TMC1: variants seen among roughly 807,000 people sequenced by gnomAD.
TMC1 encodes the protein transmembrane channel-like protein 1.
A neutral mutation model predicts 105.8 loss-of-function variants in TMC1; 84 were observed. The ratio of observed to expected loss-of-function variants is 0.79; its 90% CI spans 0.67 to 0.95. The LOEUF is 0.95. Among genes scored for constraint, TMC1 ranks in the 40% least tolerant of loss-of-function variants. The pLI, the probability that TMC1 is intolerant of heterozygous loss-of-function variation, is 0.00. For missense variants in TMC1, 817 were observed against 914.1 expected, an observed-to-expected ratio of 0.89 and a Z score of 1.37; for synonymous variants, 315 against 311.5, an observed-to-expected ratio of 1.01 and a Z score of -0.12.
chr9:72,627,484 T>C, intron 3 of TMC1, among the ~76,000 whole-genome samples: 1 of 152,210 alleles, frequency 6.6e-6, no homozygotes, highest in East Asian at 1.9e-4. Flanking sequence ...TAATCCTCTC[T>C]TTCCCACCTT....
chr9:72,759,746 T>G (rs914883146), intron 12 of TMC1, among the ~76,000 whole-genome samples: 2 of 152,220 alleles, frequency 1.3e-5, no homozygotes, highest in African/African-American at 4.8e-5. Context: ...CTTCGATATC[T>G]TCCATCCTAT....
At chr9:72,593,713 T>A (rs12337813) in intron 2 of TMC1, among the ~76,000 whole-genome samples, 31,709 of 145,782 alleles carry the variant, frequency 0.22, 3,539 homozygotes, top group Middle Eastern at 0.3. Flanking sequence ...ATTTCTATTT[T>A]AAAAAAAAAA....
intron 13 of TMC1, among the ~76,000 whole-genome samples, chr9:72,787,642 C>CAT (rs141473671): frequency 0.1 from 15,488 of 148,048 alleles, 855 homozygotes; most frequent in Non-Finnish European, 0.14. Context: ...CATGCAAATA[C>CAT]ATATATATAT....
intron 2 of TMC1, among the ~76,000 whole-genome samples, chr9:72,595,552 T>G (rs1237568737): frequency 6.6e-6 from 1 of 152,218 alleles, no homozygotes; most frequent in Admixed American, 6.5e-5. Flanking sequence ...AGAACGCTGT[T>G]TACTTTTTCC....
intron 1 of TMC1, among the ~76,000 whole-genome samples, chr9:72,570,266 G>GTGTGTGTGTGT (rs1564417444): frequency 2.8e-5 from 3 of 107,100 alleles, no homozygotes; most frequent in African/African-American, 1.2e-4. Flanking sequence ...TGTGTGTGTG[G>GTGTGTGTGTGT]TAAATACTTA....
chr9:72,602,588 G>T (rs6560302), intron 2 of TMC1, among the ~76,000 whole-genome samples: 85,781 of 151,692 alleles, frequency 0.57, 25,447 homozygotes, highest in African/African-American at 0.76. Context: ...TTGGCCATGT[G>T]GATCTCGAGC....
chr9:72,778,207 G>A (rs899004897), intron 13 of TMC1, among the ~76,000 whole-genome samples: 18 of 152,164 alleles, frequency 1.2e-4, no homozygotes, highest in Admixed American at 1.0e-3. Context: ...GAGCCAAGAT[G>A]GCTAACAAGA....
intron 5 of TMC1, among the ~76,000 whole-genome samples, chr9:72,680,182 T>C (rs1174055983): frequency 6.6e-6 from 1 of 152,086 alleles, no homozygotes; most frequent in Non-Finnish European, 1.5e-5. Flanking sequence ...TCTAACATTG[T>C]CAATCCTTAA....
Position 72,648,593 on chromosome 9 carries a change from G to T in TMC1, c.-52-4G>T. On this transcript the variant is annotated splice_polypyrimidine_tract_variant and splice_region_variant and intron_variant, in intron 4 of 23. Coordinates refer to ENST00000297784, the MANE Select transcript of TMC1 (RefSeq NM_138691.3). ...CCTGAAATATTTGTTCCTTCATCCTGCAGTCCCTCTCCAAACTAGCCAGCC... is the reference window on the plus strand; with the variant it reads ...CCTGAAATATTTGTTCCTTCATCCTTCAGTCCCTCTCCAAACTAGCCAGCC... 6.5e-7 allele frequency: 1 copy of T among 1,526,726 alleles called. No homozygotes were observed. The highest frequency in any genetic ancestry group is 2.3e-5 in the East Asian group (1 of 44,428). The allele number at this position is 1,526,726 out of a possible 1,614,324, so 94.6% of individuals were successfully genotyped here.
intron 8 of TMC1, among the ~76,000 whole-genome samples, chr9:72,705,772 A>G (rs972440016): frequency 4.6e-5 from 7 of 152,234 alleles, no homozygotes; most frequent in Non-Finnish European, 1.0e-4. Context: ...TGGCTTTTGG[A>G]TAGACACCAT....
chr9:72,678,052 T>A lies in TMC1; in HGVS notation c.17-10657T>A, dbSNP rs1159729483. On this transcript the variant is annotated intron_variant, in intron 5 of 23. Transcript: ENST00000297784. ...ACCATGAAATGAGGTGCTTGCATTT[T>A]TCATTGCTGATTTTACAATACACTT... Among the ~76,000 whole-genome samples, 3 of 152,290 alleles carry A rather than the reference T, an allele frequency of 2.0e-5. No individual in the cohort carries two copies. In the East Asian group the frequency reaches 5.8e-4, roughly 29 times the overall value.
chr9:72,624,338 C>T (rs1825308385), intron 3 of TMC1, among the ~76,000 whole-genome samples: 1 of 152,156 alleles, frequency 6.6e-6, no homozygotes, highest in African/African-American at 2.4e-5. Context: ...GTCTTCTTTG[C>T]AGTCGGGCGG....
At chr9:72,733,863 C>T (rs979196749) in intron 8 of TMC1, among the ~76,000 whole-genome samples, 42 of 151,960 alleles carry the variant, frequency 2.8e-4, no homozygotes, top group African/African-American at 1.0e-3. Context: ...TTTCTGCCCT[C>T]ATTAGGTTGA....
At chr9:72,760,568 G>C (rs1392790673) in intron 12 of TMC1, among the ~76,000 whole-genome samples, 1 of 151,978 alleles carries the variant, frequency 6.6e-6, no homozygotes, top group Non-Finnish European at 1.5e-5. Flanking sequence ...CACTCTCTTG[G>C]ATCCAAAGAG....
At chr9:72,596,187 T>C (rs1564433449) in intron 2 of TMC1, among the ~76,000 whole-genome samples, 2 of 152,214 alleles carry the variant, frequency 1.3e-5, no homozygotes, top group Admixed American at 6.5e-5. Context: ...CTCTCAACTC[T>C]AGTAGCTTAA....
At chr9:72,655,672 G>A (rs988983151) in intron 5 of TMC1, among the ~76,000 whole-genome samples, 16 of 151,800 alleles carry the variant, frequency 1.1e-4, no homozygotes, top group Admixed American at 3.9e-4. Context: ...AACCCGGGAG[G>A]GGGAGCCTGC....
At chr9:72,610,285 A>G (rs1315703348) in intron 2 of TMC1, among the ~76,000 whole-genome samples, 1 of 152,180 alleles carries the variant, frequency 6.6e-6, no homozygotes, top group Non-Finnish European at 1.5e-5. Flanking sequence ...TAAAGTATAC[A>G]TTTATTATAT....
At chr9:72,745,265 A>G (rs1406585090) in intron 10 of TMC1, among the ~76,000 whole-genome samples, 3 of 152,176 alleles carry the variant, frequency 2.0e-5, no homozygotes, top group Admixed American at 2.0e-4. Context: ...TATAGTTGTG[A>G]TTAAATAACT....
chr9:72,834,605 A>G (rs1385018308), intron 23 of TMC1, among the ~76,000 whole-genome samples: 1 of 152,164 alleles, frequency 6.6e-6, no homozygotes, highest in African/African-American at 2.4e-5. Flanking sequence ...CCTGAGTGGG[A>G]AAAACAACAC....
Sources: allele counts gnomAD v4.1 joint callset (sites outside exome capture counted in the v4.1 genomes callset), GRCh38; gene constraint gnomAD v4.1.1; transcripts MANE v1.5; gene names NCBI Gene and HGNC (gene_info 2026-07-23, HGNC 2026-07-21).